The following PTPN13 variants were observed in gnomAD, a reference collection of about 807,000 sequenced individuals.
The protein encoded by PTPN13 is tyrosine-protein phosphatase non-receptor type 13.
In PTPN13, 191 loss-of-function variants were observed where a neutral mutation model predicts 284.0. The ratio of observed to expected loss-of-function variants is 0.67; its 90% CI spans 0.60 to 0.76. PTPN13 has a LOEUF of 0.76. Among genes scored for constraint, PTPN13 ranks in the 30% least tolerant of loss-of-function variants. PTPN13 has a pLI of 0.00. For missense variants in PTPN13, 2,797 were observed against 2,939.9 expected, an observed-to-expected ratio of 0.95 and a Z score of 1.12; for synonymous variants, 986 against 1,022.3, an observed-to-expected ratio of 0.96 and a Z score of 0.68.
intron 40 of PTPN13, among the ~76,000 whole-genome samples, chr4:86,792,346 A>G (rs1397820565): frequency 6.6e-6 from 1 of 152,248 alleles, no homozygotes; most frequent in Non-Finnish European, 1.5e-5. Context: ...GCTCTTAGAA[A>G]TATGGGACTG....
At chr4:86,606,080 T>G (rs182006632) in intron 1 of PTPN13, among the ~76,000 whole-genome samples, 1 of 152,002 alleles carries the variant, frequency 6.6e-6, no homozygotes, top group Non-Finnish European at 1.5e-5. Flanking sequence ...GAAAGTGATT[T>G]TTTTAGTAGT....
In PTPN13 at chr4:86,741,712, C is replaced by A. The variant is rs375565030; in HGVS notation, c.2383C>A (p.Leu795Ile). 27 of 1,613,492 alleles carry A rather than the reference C, an allele frequency of 1.7e-5. No homozygotes were observed. The highest frequency in any genetic ancestry group is 2.2e-5 in the Non-Finnish European group (26 of 1,179,728). Residue 795 changes from leucine (L) to isoleucine (I), a missense_variant, in exon 16 of 48, where the codon CTT becomes ATT. Leu to Ile is a conservative substitution (Grantham distance 5). Coordinates refer to ENST00000411767, the MANE Select transcript of PTPN13 (RefSeq NM_080683.3). ...GAAGAAGTCACAAACAGGAATATTG[C>A]TTGGAGTCTGTTCTAAAGGTGTCCT... ...PEKKSQTGIL[L>I]GVCSKGVLVF...
At position 86,814,684 on chromosome 4, in the gene PTPN13, T is replaced by A; in HGVS notation, c.*133T>A. 1.7e-6 allele frequency: 1 copy of A among 592,016 alleles called. No individual in the cohort carries two copies. Among genetic ancestry groups the A allele is most frequent in the Non-Finnish European group, 3.0e-6 (1 of 338,284 alleles). 36.7% of individuals were successfully genotyped at this position (592,016 alleles called of 1,614,324 possible). A position where few individuals can be genotyped will look rare whatever the true frequency, so the allele number is the denominator to read the frequency against. On this transcript the variant is annotated 3_prime_UTR_variant, in exon 48 of 48. Coordinates refer to ENST00000411767, the MANE Select transcript of PTPN13 (RefSeq NM_080683.3). ...CATGTTCTCCTCTATCTTAGAGGGG[T>A]ATTCTTCTTGAAAATAAAAAATATT...
intron 2 of PTPN13, 144 bp from the exon 3 acceptor site, chr4:86,672,221 G>C (rs996703297): frequency 3.6e-6 from 2 of 557,586 alleles, no homozygotes; most frequent in Non-Finnish European, 5.7e-6. Context: ...GTAGCATGTT[G>C]ATTTGGTATA....
chr4:86,625,921 T>C (rs1428189249), intron 1 of PTPN13, among the ~76,000 whole-genome samples: 1 of 152,198 alleles, frequency 6.6e-6, no homozygotes, highest in African/African-American at 2.4e-5. Context: ...TGCTGTCCAG[T>C]AGACATTTTA....
intron 1 of PTPN13, among the ~76,000 whole-genome samples, chr4:86,607,917 C>A (rs755835282): frequency 6.6e-6 from 1 of 151,908 alleles, no homozygotes; most frequent in Non-Finnish European, 1.5e-5. Context: ...TTTTGAAAAT[C>A]TTTTAACAAT....
At position 86,796,893 on chromosome 4, in the gene PTPN13, G is replaced by T. The variant is rs761040655; in HGVS notation, c.6365G>T (p.Cys2122Phe). ...YFTEATKMNG[C>F]EEYCEEKVKS... is the part of the protein sequence containing the mutation. Reference sequence around the variant, plus strand: ...TTGTAGGCCACCAAAATGAATGGCTGTGAAGAATATTGTGAAGAAAAAGTA... The same window carrying T: ...TTGTAGGCCACCAAAATGAATGGCTTTGAAGAATATTGTGAAGAAAAAGTA... The change falls in exon 41 of 48, where the codon TGT becomes TTT. Residue 2122 changes from cysteine (C) to phenylalanine (F), a missense_variant. By Grantham distance (205) the Cys-to-Phe change is radical (BLOSUM62 -2). Coordinates refer to ENST00000411767, the MANE Select transcript of PTPN13 (RefSeq NM_080683.3). The T allele has an allele frequency of 7.4e-6, 11 of 1,490,432 alleles. No individual in the cohort carries two copies. Among genetic ancestry groups the T allele is most frequent in the Non-Finnish European group, 1.0e-5 (11 of 1,081,760 alleles). 92.3% of individuals were successfully genotyped at this position (1,490,432 alleles called of 1,614,324 possible).
intron 7 of PTPN13, among the ~76,000 whole-genome samples, chr4:86,712,393 A>G (rs1326307443): frequency 6.6e-6 from 1 of 151,714 alleles, no homozygotes; most frequent in Non-Finnish European, 1.5e-5. Context: ...GATGACTTGT[A>G]AACATGGAAA....
chr4:86,803,627 G>C (rs1744312846), intron 42 of PTPN13, 82 bp from the exon 43 acceptor site: 2 of 1,355,242 alleles, frequency 1.5e-6, no homozygotes, highest in African/African-American at 2.9e-5. Context: ...TTTGTAAGAT[G>C]AGGTGAACAT....
chr4:86,595,215 G>A (rs575794288), intron 1 of PTPN13, among the ~76,000 whole-genome samples: 2 of 152,194 alleles, frequency 1.3e-5, no homozygotes, highest in East Asian at 3.9e-4. Flanking sequence ...TGTGGAGATG[G>A]TGTGGTTAGA....
At chr4:86,787,508 T>C (rs12710827) in intron 40 of PTPN13, among the ~76,000 whole-genome samples, 15,065 of 151,770 alleles carry the variant, frequency 0.099, 869 homozygotes, top group Non-Finnish European at 0.11. Flanking sequence ...AGGAGAATCC[T>C]TTGAACCTGG....
intron 40 of PTPN13, among the ~76,000 whole-genome samples, chr4:86,786,661 G>A (rs760516580): frequency 1.4e-4 from 22 of 152,070 alleles, no homozygotes; most frequent in Non-Finnish European, 3.1e-4. Flanking sequence ...GTAAAAATAG[G>A]CTCTTTAGAG....
chr4:86,615,945 A>G (rs1361218786), intron 1 of PTPN13, among the ~76,000 whole-genome samples: 1 of 152,228 alleles, frequency 6.6e-6, no homozygotes, highest in African/African-American at 2.4e-5. Flanking sequence ...TCCAGCAGTA[A>G]TCTGATTTAC....
chr4:86,636,839 G>A (rs1723076646), intron 2 of PTPN13, among the ~76,000 whole-genome samples: 1 of 152,076 alleles, frequency 6.6e-6, no homozygotes, highest in African/African-American at 2.4e-5. Flanking sequence ...GAGCAGAACT[G>A]AAGGAAATAG....
In PTPN13 at chr4:86,750,733, G is replaced by A; in HGVS notation, c.2914G>A (p.Asp972Asn). 1 of 1,613,672 alleles carries A rather than the reference G, an allele frequency of 6.2e-7. No individual in the cohort carries two copies. The highest frequency in any genetic ancestry group is 1.3e-5 in the African/African-American group (1 of 75,022). Reference protein sequence around the residue: ...KPREMSKSYHDLSQASLYPHR... With the variant: ...KPREMSKSYHNLSQASLYPHR... Reference sequence around the variant, plus strand: ...TAGAGAGATGAGTAAATCATACCATGATCTCAGTCAGGCCTCTCTCTATCC... The same window carrying A: ...TAGAGAGATGAGTAAATCATACCATAATCTCAGTCAGGCCTCTCTCTATCC... Residue 972 changes from aspartate to asparagine, a missense_variant, in exon 18 of 48, where the codon GAT becomes AAT. Coordinates refer to ENST00000411767, the MANE Select transcript of PTPN13 (RefSeq NM_080683.3).
chr4:86,597,566 G>C (rs915801143), intron 1 of PTPN13, among the ~76,000 whole-genome samples: 6 of 152,208 alleles, frequency 3.9e-5, no homozygotes, highest in Non-Finnish European at 8.8e-5. Flanking sequence ...ACTCCCGTCT[G>C]TAAACTGCTT....
intron 30 of PTPN13, among the ~76,000 whole-genome samples, chr4:86,770,469 T>G (rs1739862812): frequency 6.6e-6 from 1 of 152,238 alleles, no homozygotes; most frequent in African/African-American, 2.4e-5. Flanking sequence ...CTAGTTATTA[T>G]GTTGAGCAGG....
chr4:86,706,983 T>C (rs1270492750), intron 7 of PTPN13, among the ~76,000 whole-genome samples: 6 of 152,174 alleles, frequency 3.9e-5, no homozygotes, highest in Non-Finnish European at 8.8e-5. Flanking sequence ...AAGATCTGAG[T>C]AGTTGTCTGT....
rs1337799017 is a variant in PTPN13 at position 86,650,322 on chromosome 4, T to C, written c.115+14951T>C. On this transcript the variant is annotated intron_variant, in intron 2 of 47. Coordinates refer to ENST00000411767, the MANE Select transcript of PTPN13 (RefSeq NM_080683.3). ...TTTTATAGGGTTGTGTTTTCGTTTT[T>C]TCGTTTCAAGATGGGGTCTCACTCT... Among the ~76,000 whole-genome samples the C allele has an allele frequency of 3.2e-4, 49 of 151,954 alleles. 1 individual carries two copies. Among genetic ancestry groups the C allele is most frequent in the Non-Finnish European group, 2.9e-5 (2 of 67,994 alleles).
Sources: allele counts gnomAD v4.1 joint callset (sites outside exome capture counted in the v4.1 genomes callset), GRCh38; gene constraint gnomAD v4.1.1; transcripts MANE v1.5; gene names NCBI Gene and HGNC (gene_info 2026-07-23, HGNC 2026-07-21).